SORCS1: variants seen among roughly 807,000 people sequenced by gnomAD.
The protein encoded by SORCS1 is sortilin related VPS10 domain containing receptor 1, also known as VPS10 domain-containing receptor SorCS1.
SORCS1 carries 60 observed loss-of-function variants against 146.1 expected under a neutral mutation model. The ratio of observed to expected loss-of-function variants is 0.41; its 90% CI spans 0.33 to 0.51. The LOEUF is 0.51. SORCS1 is among the 20% of genes least tolerant of loss of function. The pLI is 0.21. For synonymous variants in SORCS1, 637 were observed against 584.0 expected (o/e 1.09, Z -1.31); for missense variants, 1,352 against 1,487.6 (o/e 0.91, Z 1.50).
At chr10:106,806,015 G>A (rs1278322412) in intron 3 of SORCS1, among the ~76,000 whole-genome samples, 10 of 113,182 alleles carry the variant, frequency 8.8e-5, no homozygotes, top group African/African-American at 3.5e-4. Flanking sequence ...AGCCGAGATC[G>A]CACCACTGCA....
At chr10:106,838,922 G>T (rs934585981) in intron 2 of SORCS1, among the ~76,000 whole-genome samples, 5 of 151,936 alleles carry the variant, frequency 3.3e-5, no homozygotes, top group African/African-American at 1.2e-4. Context: ...ATCATTTTGG[G>T]GTGCCCTGAA....
At chr10:106,818,578 A>T (rs1947858773) in intron 3 of SORCS1, among the ~76,000 whole-genome samples, 1 of 152,082 alleles carries the variant, frequency 6.6e-6, no homozygotes, top group Admixed American at 6.6e-5. Context: ...GTTGGCCAGG[A>T]TAGTCTCGAT....
At chr10:106,758,599 C>G (rs543444282) in intron 5 of SORCS1, among the ~76,000 whole-genome samples, 12 of 152,256 alleles carry the variant, frequency 7.9e-5, no homozygotes, top group Non-Finnish European at 1.5e-4. Context: ...TGAGGCCTTT[C>G]TATGCACATA....
intron 6 of SORCS1, among the ~76,000 whole-genome samples, chr10:106,724,734 G>C (rs750612779): frequency 1.3e-5 from 2 of 152,144 alleles, no homozygotes; most frequent in African/African-American, 4.8e-5. Context: ...ACACTCCATG[G>C]GGAAGAGCCA....
At chr10:106,924,848 G>A (rs935138201) in intron 2 of SORCS1, among the ~76,000 whole-genome samples, 4 of 149,750 alleles carry the variant, frequency 2.7e-5, no homozygotes, top group African/African-American at 9.8e-5. Flanking sequence ...CAAGCAAGAT[G>A]TATTCCTTGT....
intron 1 of SORCS1, among the ~76,000 whole-genome samples, chr10:107,150,115 C>A (rs1190270824): frequency 6.6e-6 from 1 of 152,186 alleles, no homozygotes; most frequent in South Asian, 2.1e-4. Flanking sequence ...GTTTATGGGT[C>A]TATTTCCACC....
chr10:107,013,893 A>T (rs1957782107), intron 1 of SORCS1, among the ~76,000 whole-genome samples: 1 of 152,176 alleles, frequency 6.6e-6, no homozygotes. Flanking sequence ...GTTCCTGCTA[A>T]TTTAGAATCT....
At chr10:106,615,141 T>C (rs1847271606) in intron 21 of SORCS1, among the ~76,000 whole-genome samples, 2 of 152,186 alleles carry the variant, frequency 1.3e-5, no homozygotes. Flanking sequence ...TTTCTTAGAG[T>C]ATTCTGGAAA....
intron 2 of SORCS1, among the ~76,000 whole-genome samples, chr10:106,929,250 T>C (rs1017780890): frequency 5.3e-5 from 8 of 152,292 alleles, no homozygotes; most frequent in African/African-American, 1.9e-4. Context: ...CTAAAACCCT[T>C]AGAAATTGTG....
At chr10:107,023,043 G>A (rs1227985106) in intron 1 of SORCS1, among the ~76,000 whole-genome samples, 1 of 152,200 alleles carries the variant, frequency 6.6e-6, no homozygotes, top group African/African-American at 2.4e-5. Context: ...GTCAGTCCAA[G>A]TTCACGGTGC....
chr10:106,739,765 T>C (rs1857228880), intron 5 of SORCS1, among the ~76,000 whole-genome samples: 1 of 151,674 alleles, frequency 6.6e-6, no homozygotes, highest in Non-Finnish European at 1.5e-5. Flanking sequence ...TCCTGGCTAA[T>C]GTGGTGAAAC....
intron 5 of SORCS1, among the ~76,000 whole-genome samples, chr10:106,749,887 AAAG>A (rs530803656): frequency 6.6e-5 from 10 of 152,332 alleles, no homozygotes; most frequent in African/African-American, 2.4e-4. Flanking sequence ...TGTAAGGCTT[AAAG>A]AAGTTAATTA....
At chr10:106,793,891 A>G (rs1431638479) in intron 3 of SORCS1, among the ~76,000 whole-genome samples, 1 of 152,240 alleles carries the variant, frequency 6.6e-6, no homozygotes, top group East Asian at 1.9e-4. Flanking sequence ...TGTCTCCCCA[A>G]TTTAACACTT....
intron 19 of SORCS1, among the ~76,000 whole-genome samples, chr10:106,623,852 T>G (rs1030679343): frequency 6.6e-6 from 1 of 151,668 alleles, no homozygotes; most frequent in African/African-American, 2.4e-5. Flanking sequence ...TCCGGCTAAT[T>G]TTTGTATTTT....
intron 2 of SORCS1, among the ~76,000 whole-genome samples, chr10:106,914,192 G>C (rs1316880584): frequency 2.0e-5 from 3 of 152,308 alleles, no homozygotes; most frequent in Middle Eastern, 3.4e-3. Context: ...CTGAAGGAAG[G>C]GAGGAGGATG....
chr10:106,898,854 C>T (rs1951588825), intron 2 of SORCS1, among the ~76,000 whole-genome samples: 1 of 152,148 alleles, frequency 6.6e-6, no homozygotes, highest in East Asian at 1.9e-4. Context: ...TTCCCACAAA[C>T]CCAAAGGCCC....
At chr10:106,995,701 C>T (rs892473769) in intron 1 of SORCS1, among the ~76,000 whole-genome samples, 11 of 151,922 alleles carry the variant, frequency 7.2e-5, no homozygotes, top group Admixed American at 6.6e-5. Context: ...AAAAAATATT[C>T]GTCATGGTAG....
Position 106,977,690 on chromosome 10 carries a change from T to A in SORCS1, c.559-21110A>T, listed in dbSNP as rs1589835980. Among the ~76,000 whole-genome samples, 3 of 152,130 alleles carry A rather than the reference T, an allele frequency of 2.0e-5. No homozygotes were observed. In the South Asian group the frequency reaches 6.2e-4, roughly 32 times the overall value. The stretch of plus-strand genomic sequence containing the variant: ...TGACATAAAGAAAGCACCAGTATAT[T>A]TTCAGTGTATTACTGACAATTACAC... On this transcript the variant is annotated intron_variant, in intron 1 of 25. Transcript: ENST00000263054.
At chr10:106,780,177 A>G (rs1470926134) in intron 3 of SORCS1, among the ~76,000 whole-genome samples, 1 of 152,238 alleles carries the variant, frequency 6.6e-6, no homozygotes. Context: ...TCATAAATGA[A>G]TAAGTCATAT....
Sources: allele counts gnomAD v4.1 joint callset (sites outside exome capture counted in the v4.1 genomes callset), GRCh38; gene constraint gnomAD v4.1.1; transcripts MANE v1.5; gene names NCBI Gene and HGNC (gene_info 2026-07-23, HGNC 2026-07-21).